OR1L8: variants seen among roughly 807,000 people sequenced by gnomAD.
OR1L8 encodes the protein olfactory receptor family 1 subfamily L member 8, also known as olfactory receptor 1L8.
For missense variants in OR1L8, 330 were observed against 377.4 expected, an observed-to-expected ratio of 0.87 and a Z score of 1.04; for synonymous variants, 148 against 147.0, an observed-to-expected ratio of 1.01 and a Z score of -0.05.
At chr9:122,553,174 A>C in the OR1L8 span, 2 of 1,594,166 alleles carry the variant, frequency 1.3e-6, no homozygotes, top group African/African-American at 2.7e-5. Flanking sequence ...TGACACATGG[A>C]AGGTTTTTAT....
At chr9:122,577,535 G>GCTTAC (rs1829678869) in intron 2 of OR1L8, among the ~76,000 whole-genome samples, 1 of 152,186 alleles carries the variant, frequency 6.6e-6, no homozygotes, top group Non-Finnish European at 1.5e-5. Flanking sequence ...CAGTAAGCAT[G>GCTTAC]TGAACAAGTA....
At chr9:122,575,698 TG>T (rs1829640734) in intron 3 of OR1L8, among the ~76,000 whole-genome samples, 1 of 152,194 alleles carries the variant, frequency 6.6e-6, no homozygotes, top group Non-Finnish European at 1.5e-5. Flanking sequence ...GAGAGTAAAG[TG>T]GTTATTATTA....
At chr9:122,558,681 G>GATAT in the OR1L8 span, among the ~76,000 whole-genome samples, 35,413 of 151,192 alleles carry the variant, frequency 0.23, 4,567 homozygotes, top group Middle Eastern at 0.33. Context: ...ATAATAGATG[G>GATAT]ATATATGTAT....
intron 1 of OR1L8, among the ~76,000 whole-genome samples, chr9:122,579,532 T>G (rs992382421): frequency 6.6e-6 from 1 of 152,188 alleles, no homozygotes; most frequent in African/African-American, 2.4e-5. Context: ...GAGGTTCTTA[T>G]ACATTCTATT....
At chr9:122,562,182 C>T (rs1829364934), downstream of OR1L8, among the ~76,000 whole-genome samples, 1 of 152,216 alleles carries the variant, frequency 6.6e-6, no homozygotes, top group African/African-American at 2.4e-5. Context: ...CTCCCTGGCT[C>T]GGCAGGGGAA....
chr9:122,566,426 T>C (rs1829427848), downstream of OR1L8, among the ~76,000 whole-genome samples: 1 of 152,222 alleles, frequency 6.6e-6, no homozygotes, highest in African/African-American at 2.4e-5. Context: ...TACACACATA[T>C]GTACATTCAT....
chr9:122,571,136 CCCATGTTCAGAAT>C, intron 4 of OR1L8, among the ~76,000 whole-genome samples: 1 of 152,290 alleles, frequency 6.6e-6, no homozygotes, highest in East Asian at 1.9e-4. Flanking sequence ...ACTTTCTTGT[CCCATGTTCAGAAT>C]CCACTCTTGC....
chr9:122,569,573 T>A (rs1588215322), intron 4 of OR1L8, among the ~76,000 whole-genome samples: 1 of 76,920 alleles, frequency 1.3e-5, no homozygotes, highest in African/African-American at 5.1e-5. Flanking sequence ...CAAGCATTTT[T>A]AGATATTGGT....
the OR1L8 span, among the ~76,000 whole-genome samples, chr9:122,552,071 T>TCACACA: frequency 8.5e-6 from 1 of 116,976 alleles, no homozygotes; most frequent in Non-Finnish European, 2.0e-5. Context: ...TCTCTCTCTC[T>TCACACA]CTCTCTCTCA....
At chr9:122,552,373 A>G in the OR1L8 span, among the ~76,000 whole-genome samples, 1 of 152,192 alleles carries the variant, frequency 6.6e-6, no homozygotes, top group African/African-American at 2.4e-5. Context: ...TTAAAAGTAA[A>G]TATTAGATAA....
the OR1L8 span, among the ~76,000 whole-genome samples, chr9:122,552,943 C>A: frequency 9.9e-5 from 15 of 152,102 alleles, no homozygotes; most frequent in Admixed American, 9.8e-4. Flanking sequence ...TCAAACAAAT[C>A]TCTTTTCTTT....
In OR1L8 at chr9:122,568,248, C is replaced by A. The variant is rs759492006; in HGVS notation, c.230G>T (p.Ser77Ile). Residue 77 changes from serine (S) to isoleucine (I), a missense_variant, in exon 5 of 5, where the codon AGC (serine) becomes ATC (isoleucine). Physicochemically the swap from Ser to Ile is moderately radical, Grantham distance 142 (BLOSUM62 -2). Transcript: ENST00000641027. ...LSLTDICFTT[S>I]VVPKMLMNFL... ...GTTCATCAGCATCTTGGGGACAACG[C>A]TTGTTGTAAAGCAAATATCAGTGAG... 3 of 1,613,908 alleles carry A rather than the reference C, an allele frequency of 1.9e-6. No homozygotes were observed. The highest frequency in any genetic ancestry group is 2.5e-6 in the Non-Finnish European group (3 of 1,179,816).
downstream of OR1L8, among the ~76,000 whole-genome samples, chr9:122,564,225 C>T (rs973553526): frequency 5.9e-5 from 9 of 152,274 alleles, no homozygotes; most frequent in East Asian, 1.2e-3. Flanking sequence ...TAGCTCAGAT[C>T]CAACTTACGG....
At chr9:122,570,630 C>G (rs149915553) in intron 4 of OR1L8, among the ~76,000 whole-genome samples, 23 of 152,234 alleles carry the variant, frequency 1.5e-4, no homozygotes, top group South Asian at 8.3e-4. Flanking sequence ...ACAAGCTGTT[C>G]CCCAGCCACC....
chr9:122,553,226 C>A, the OR1L8 span: 1 of 1,613,494 alleles, frequency 6.2e-7, no homozygotes, highest in African/African-American at 1.3e-5. Context: ...GAAAACCAGG[C>A]AGAGTGAACC....
At chr9:122,566,037 G>T (rs189634682), downstream of OR1L8, among the ~76,000 whole-genome samples, 9 of 152,132 alleles carry the variant, frequency 5.9e-5, no homozygotes, top group Admixed American at 3.9e-4. Flanking sequence ...CATTACAAAG[G>T]AACACAAATT....
chr9:122,553,079 A>T, the OR1L8 span: 3 of 851,454 alleles, frequency 3.5e-6, no homozygotes, highest in Non-Finnish European at 5.4e-6. Flanking sequence ...ATTGGCAAAG[A>T]CCATTTATTT....
the OR1L8 span, among the ~76,000 whole-genome samples, chr9:122,559,968 C>T: frequency 6.6e-6 from 1 of 152,176 alleles, no homozygotes; most frequent in Non-Finnish European, 1.5e-5. Flanking sequence ...GTGTCTAAGT[C>T]TCTTTGTAGG....
the OR1L8 span, among the ~76,000 whole-genome samples, chr9:122,558,311 C>CTTTTTTTTTTTT: frequency 1.7e-4 from 6 of 34,472 alleles, 2 homozygotes; most frequent in Non-Finnish European, 2.9e-4. Context: ...TTGGATTTTG[C>CTTTTTTTTTTTT]TTTTTTTTTT....
Sources: allele counts gnomAD v4.1 joint callset (sites outside exome capture counted in the v4.1 genomes callset), GRCh38; gene constraint gnomAD v4.1.1; transcripts MANE v1.5; gene names NCBI Gene and HGNC (gene_info 2026-07-23, HGNC 2026-07-21).